The following APOL1 variants were observed in gnomAD, a reference collection of about 807,000 sequenced individuals.
APOL1 encodes apolipoprotein L 1.
Under a neutral mutation model 14.9 loss-of-function variants are expected in APOL1, and 17 were observed. That is an observed-to-expected ratio of 1.14 (90% CI 0.78 to 1.71). APOL1 has a LOEUF of 1.71. APOL1 is among the 40% of genes most tolerant of loss of function. The pLI is 0.00. For synonymous variants in APOL1, 195 were observed against 184.8 expected (o/e 1.05, Z -0.45); for missense variants, 523 against 485.9 (o/e 1.08, Z -0.72).
intron 5 of APOL1, among the ~76,000 whole-genome samples, chr22:36,262,547 G>T (rs1229956004): frequency 6.6e-6 from 1 of 152,354 alleles, no homozygotes; most frequent in Admixed American, 6.5e-5. Flanking sequence ...CCTGGAGTCA[G>T]GATGGAGCAA....
intron 2 of APOL1, 54 bp downstream of exon 2, chr22:36,255,053 C>A: frequency 6.4e-7 from 1 of 1,568,676 alleles, no homozygotes; most frequent in Non-Finnish European, 8.8e-7. Context: ...GTCTGGGCTG[C>A]ACAATTGGAC....
chr22:36,253,915 G>C (rs769826016), intron 1 of APOL1: 1 of 1,613,436 alleles, frequency 6.2e-7, no homozygotes, highest in Non-Finnish European at 8.5e-7. Context: ...GGAGTGAGAA[G>C]GGTGCGTTGC....
chr22:36,257,547 C>T (rs573684969), intron 4 of APOL1, 140 bp downstream of exon 4: 101 of 867,878 alleles, frequency 1.2e-4, no homozygotes, highest in Non-Finnish European at 1.6e-4. Flanking sequence ...GAAGAGGTCA[C>T]GTGGAGTCCC....
At position 36,254,999 on chromosome 22, in the gene APOL1, G is replaced by A; in HGVS notation, c.44G>A (p.Trp15Ter). ...CTGAGAGTCTCTGTCCTCTGCATCT[G>A]GTGAGCTTGGCTCAGAGCCCTGAGG... ...ALLRVSVLCI[W>*]MSALFLGVGV... Residue 15 changes from tryptophan to a stop codon, truncating the protein, a stop_gained and splice_region_variant, in exon 2 of 6, where the codon TGG becomes TAG. Coordinates refer to ENST00000397278, the MANE Select transcript of APOL1 (RefSeq NM_003661.4). LOFTEE classifies it high-confidence loss of function. 1 of 1,613,674 alleles carries A rather than the reference G, an allele frequency of 6.2e-7. No homozygotes were observed. The highest frequency in any genetic ancestry group is 8.5e-7 in the Non-Finnish European group (1 of 1,179,562).
At chr22:36,257,798 C>A (rs960274558) in intron 4 of APOL1, among the ~76,000 whole-genome samples, 2 of 152,106 alleles carry the variant, frequency 1.3e-5, no homozygotes, top group African/African-American at 4.8e-5. Context: ...CGCTCTGCTC[C>A]AAGCTGACCC....
intron 2 of APOL1, among the ~76,000 whole-genome samples, chr22:36,255,753 G>A (rs1320513729): frequency 2.6e-5 from 4 of 151,078 alleles, no homozygotes; most frequent in Non-Finnish European, 5.9e-5. Flanking sequence ...GGAAGTGGGT[G>A]TGCCAGGGAG....
At position 36,259,854 on chromosome 22, in the gene APOL1, A is replaced by C. The variant is rs747202329; in HGVS notation, c.188-1742A>C. 14 of 1,304,274 alleles carry C rather than the reference A, an allele frequency of 1.1e-5. No homozygotes were observed. The South Asian group carries it at 1.6e-4, about 15-fold the overall frequency. 80.8% of individuals were successfully genotyped at this position (1,304,274 alleles called of 1,614,324 possible). A position where few individuals can be genotyped will look rare whatever the true frequency, so the allele number is the denominator to read the frequency against. On this transcript the variant is annotated intron_variant, in intron 4 of 5. Transcript: ENST00000397278. ...GACCAGCAGGAGGAATCTCCTTTGC[A>C]TGGTAGTTGTACTCAATGCTGTGGA...
rs136175 is a variant in APOL1, at chr22:36,265,520, G to A, written c.684G>A (p.Met228Ile). The A allele has an allele frequency of 0.82, 1,323,997 of 1,612,996 alleles. 544,854 individuals are homozygous for A. Among genetic ancestry groups the A allele is most frequent in the African/African-American group, 0.95 (70,976 of 74,990 alleles). Residue 228 changes from methionine (M) to isoleucine (I), a missense_variant, in exon 6 of 6, where the codon ATG becomes ATA. By Grantham distance (10) the Met-to-Ile change is conservative. Transcript: ENST00000397278. ...AALTGITSST[M>I]DYGKKWWTQA... is the part of the protein sequence containing the mutation. Reference sequence around the variant, plus strand: ...TGACCGGGATTACCAGCAGTACCATGGACTACGGAAAGAAGTGGTGGACAC... The same window carrying A: ...TGACCGGGATTACCAGCAGTACCATAGACTACGGAAAGAAGTGGTGGACAC...
intron 5 of APOL1, among the ~76,000 whole-genome samples, chr22:36,263,863 T>TG (rs2016149135): frequency 6.6e-6 from 1 of 151,174 alleles, no homozygotes; most frequent in Non-Finnish European, 1.5e-5. Flanking sequence ...GACACCAGAG[T>TG]GGGGGGTTCC....
In APOL1 at chr22:36,265,363, A is replaced by G. The variant is rs116136671; in HGVS notation, c.527A>G (p.Asn176Ser). 4,414 of 1,612,482 alleles carry G rather than the reference A, an allele frequency of 2.7e-3. 103 individuals are homozygous for G. In the African/African-American group the frequency reaches 0.049, roughly 18 times the overall value. ...GTCCACAAAGGCACCACCATCGCCA[A>G]TGTGGTGTCTGGCTCTCTCAGCATT... ...QKVHKGTTIA[N>S]VVSGSLSISS... The change falls in exon 6 of 6, where the codon AAT becomes AGT. Residue 176 changes from asparagine to serine, a missense_variant. Physicochemically the swap from Asn to Ser is conservative, Grantham distance 46. Coordinates refer to ENST00000397278, the MANE Select transcript of APOL1 (RefSeq NM_003661.4).
intron 4 of APOL1, among the ~76,000 whole-genome samples, chr22:36,259,497 G>A (rs945615857): frequency 7.9e-5 from 12 of 152,146 alleles, no homozygotes; most frequent in Non-Finnish European, 1.3e-4. Context: ...CTCAGGAGCC[G>A]CCCTGGACAG....
intron 4 of APOL1, chr22:36,257,683 G>T: frequency 6.4e-5 from 19 of 299,006 alleles, no homozygotes; most frequent in East Asian, 1.3e-4. Flanking sequence ...CATCCTTGGG[G>T]AAGTGGAATC....
chr22:36,264,915 A>C (rs1292785044), intron 5 of APOL1, among the ~76,000 whole-genome samples: 2 of 149,442 alleles, frequency 1.3e-5, no homozygotes, highest in Non-Finnish European at 1.5e-5. Flanking sequence ...CGGTTCAAGC[A>C]ATTCTCCTGC....
At chr22:36,264,300 A>G (rs1222249932) in intron 5 of APOL1, among the ~76,000 whole-genome samples, 1 of 152,134 alleles carries the variant, frequency 6.6e-6, no homozygotes, top group Non-Finnish European at 1.5e-5. Context: ...CCCAAACCCC[A>G]TCATCCATCA....
intron 1 of APOL1, among the ~76,000 whole-genome samples, chr22:36,254,678 T>C (rs748880788): frequency 6.6e-6 from 1 of 151,992 alleles, no homozygotes; most frequent in South Asian, 2.1e-4. Flanking sequence ...CTGGCTAACA[T>C]GGTGAAACCC....
chr22:36,253,559 C>A (rs2015759464), intron 1 of APOL1, among the ~76,000 whole-genome samples: 1 of 152,198 alleles, frequency 6.6e-6, no homozygotes, highest in Admixed American at 6.5e-5. Flanking sequence ...GAGGAGGTGA[C>A]CCAGATCCCA....
chr22:36,266,672 A>G lies in APOL1; in HGVS notation c.*639A>G, dbSNP rs140768119. ...TGTAATCCGAGCACTTTGGGAGGCC[A>G]AGGCGGGCGGATCACGAGGTCAGGA... On this transcript the variant is annotated 3_prime_UTR_variant, in exon 6 of 6. Coordinates refer to ENST00000397278, the MANE Select transcript of APOL1 (RefSeq NM_003661.4). 0.086 allele frequency: 32,828 copies of G among 380,652 alleles called. 1,744 individuals carry two copies. The highest frequency in any genetic ancestry group is 0.13 in the Middle Eastern group (197 of 1,476). 23.6% of individuals were successfully genotyped at this position (380,652 alleles called of 1,614,324 possible). A position where few individuals can be genotyped will look rare whatever the true frequency, so the allele number is the denominator to read the frequency against.
intron 1 of APOL1, chr22:36,253,746 G>C (rs964221017): frequency 1.7e-6 from 1 of 583,556 alleles, no homozygotes; most frequent in Non-Finnish European, 3.1e-6. Context: ...CCTGGGAGCG[G>C]AATGACTTGC....
At position 36,266,816 on chromosome 22, in the gene APOL1, A is replaced by C. The variant is rs376694760; in HGVS notation, c.*783A>C. The C allele has an allele frequency of 3.4e-6, 1 of 292,212 alleles. No homozygotes were observed. The highest frequency in any genetic ancestry group is 1.7e-4 in the South Asian group (1 of 6,028). 18.1% of individuals were successfully genotyped at this position (292,212 alleles called of 1,614,324 possible). On this transcript the variant is annotated 3_prime_UTR_variant, in exon 6 of 6. Transcript: ENST00000397278. ...GCTAACTGGGCGGCTGAGGCAGGAG[A>C]ATGGCGTGAACCTGGGAGGTGGAGC...
Sources: gnomAD v4.1 joint callset for allele counts (sites outside exome capture counted in the v4.1 genomes callset) on GRCh38, gnomAD v4.1.1 for gene constraint, MANE v1.5 for transcripts, NCBI Gene and HGNC (gene_info 2026-07-23, HGNC 2026-07-21) for gene names.